GART: variants seen among roughly 807,000 people sequenced by gnomAD.
GART encodes trifunctional purine biosynthetic protein adenosine-3.
A neutral mutation model predicts 107.2 loss-of-function variants in GART; 43 were observed. The ratio of observed to expected loss-of-function variants is 0.40; its 90% CI spans 0.31 to 0.52. The LOEUF is 0.52. GART is among the 20% of genes least tolerant of loss of function. GART has a pLI of 0.52. For missense variants in GART, 1,107 were observed against 1,206.5 expected, an observed-to-expected ratio of 0.92 and a Z score of 1.22; for synonymous variants, 434 against 427.0, an observed-to-expected ratio of 1.02 and a Z score of -0.20.
intron 4 of GART, among the ~76,000 whole-genome samples, chr21:33,533,602 C>T (rs78833496): frequency 1.3e-5 from 2 of 151,566 alleles, no homozygotes; most frequent in African/African-American, 2.4e-5. Context: ...GATGCCACTG[C>T]GTTTGTCAAT....
rs146415690 is a variant in GART at position 33,537,496 on chromosome 21, G to C, written c.145+1675C>G. ...CTACTAGAGATTATATTCTAGTGGAGGAAAAGAACATAGAAGACAGACAAT... is the reference window on the plus strand; with the variant it reads ...CTACTAGAGATTATATTCTAGTGGACGAAAAGAACATAGAAGACAGACAAT... On this transcript the variant is annotated intron_variant, in intron 2 of 21. Transcript: ENST00000381815. Among the ~76,000 whole-genome samples the C allele has an allele frequency of 5.6e-3, 850 of 152,142 alleles. 8 individuals carry two copies. Among genetic ancestry groups the C allele is most frequent in the African/African-American group, 0.019 (790 of 41,510 alleles).
At chr21:33,521,942 CTCT>C (rs572841444) in intron 12 of GART, among the ~76,000 whole-genome samples, 544 of 43,204 alleles carry the variant, frequency 0.013, 7 homozygotes, top group African/African-American at 0.069. Flanking sequence ...CTGGGCAAGA[CTCT>C]TGTCTCAAAA....
Position 33,539,320 on chromosome 21 carries a change from C to G in GART, c.-5G>C. 3 of 1,607,532 alleles carry G rather than the reference C, an allele frequency of 1.9e-6. No individual in the cohort carries two copies. The highest frequency in any genetic ancestry group is 2.5e-6 in the Non-Finnish European group (3 of 1,178,192). ...TATAAGTACTCGGGCTGCCATTGTTCTGTCTGTAAAGCAGAAATTCCAAAG... is the reference window on the plus strand; with the variant it reads ...TATAAGTACTCGGGCTGCCATTGTTGTGTCTGTAAAGCAGAAATTCCAAAG... On this transcript the variant is annotated 5_prime_UTR_variant, in exon 2 of 22. Transcript: ENST00000381815.
chr21:33,508,432 T>C (rs2084722543), intron 18 of GART, among the ~76,000 whole-genome samples: 2 of 151,802 alleles, frequency 1.3e-5, no homozygotes, highest in African/African-American at 4.8e-5. Flanking sequence ...ATTACCTACA[T>C]AGTGAACATT....
chr21:33,505,421 G>T, intron 20 of GART, 140 bp downstream of exon 20: 1 of 623,050 alleles, frequency 1.6e-6, no homozygotes, highest in Non-Finnish European at 2.7e-6. Context: ...CTGTGTTAAA[G>T]TATTAATAAA....
chr21:33,504,620 C>T, intron 20 of GART, 93 bp from the exon 21 acceptor site: 1 of 865,296 alleles, frequency 1.2e-6, no homozygotes, highest in East Asian at 2.5e-5. Context: ...CGAAGTCAAA[C>T]AGGAGTTGGA....
chr21:33,536,559 G>GT (rs1486737540), intron 2 of GART, among the ~76,000 whole-genome samples: 1 of 152,200 alleles, frequency 6.6e-6, no homozygotes, highest in Non-Finnish European at 1.5e-5. Context: ...TATATAGTAT[G>GT]TTTTTTCCTA....
In GART at chr21:33,530,804, A is replaced by C. The variant is rs758095590; in HGVS notation, c.678T>G (p.Gly226=). The change falls in exon 7 of 22, where the codon GGT becomes GGG. Residue 226 remains glycine (G), a synonymous_variant. Transcript: ENST00000381815. ...QDHKRLLEGD[G]GPNTGGMGAY... ...CTCCCATTCCCCCTGTGTTAGGGCC[A>C]CCATCTCCCTCCAGTAATCGCTTAT... The C allele has an allele frequency of 1.3e-6, 2 of 1,532,700 alleles. No individual in the cohort carries two copies. Among genetic ancestry groups the C allele is most frequent in the African/African-American group, 1.4e-5 (1 of 69,648 alleles). 94.9% of individuals were successfully genotyped at this position (1,532,700 alleles called of 1,614,324 possible).
intron 7 of GART, among the ~76,000 whole-genome samples, chr21:33,530,452 C>T (rs1238163421): frequency 6.6e-6 from 1 of 152,114 alleles, no homozygotes; most frequent in Non-Finnish European, 1.5e-5. Context: ...CCACGGATAT[C>T]CAAAGATGAA....
intron 12 of GART, among the ~76,000 whole-genome samples, chr21:33,521,667 A>ACTAAAGGAC (rs2084976500): frequency 6.7e-6 from 1 of 149,364 alleles, no homozygotes; most frequent in African/African-American, 2.5e-5. Flanking sequence ...GTAATTAAAT[A>ACTAAAGGAC]CTAAAGGACC....
In GART at chr21:33,530,998, T is replaced by A. The variant is rs539444493; in HGVS notation, c.598-114A>T. On this transcript the variant is annotated intron_variant, in intron 6 of 21. Coordinates refer to ENST00000381815, the MANE Select transcript of GART (RefSeq NM_000819.5). The stretch of plus-strand genomic sequence containing the variant: ...CTTCTTTGAGGAAAAGTTTGTTTTT[T>A]TTTTTGCAGAGAAATGAACCGAAAC... 7 of 1,011,474 alleles carry A rather than the reference T, an allele frequency of 6.9e-6. No individual in the cohort carries two copies. In the South Asian group the frequency reaches 2.1e-4, roughly 30 times the overall value. 62.7% of individuals were successfully genotyped at this position (1,011,474 alleles called of 1,614,324 possible).
intron 10 of GART, among the ~76,000 whole-genome samples, chr21:33,527,266 C>T (rs114411259): frequency 0.022 from 3,276 of 152,186 alleles, 115 homozygotes; most frequent in African/African-American, 0.075. Flanking sequence ...GACCTGTAAT[C>T]CCAATACTTG....
intron 17 of GART, among the ~76,000 whole-genome samples, chr21:33,511,010 A>T (rs540267943): frequency 7.8e-4 from 118 of 152,146 alleles, no homozygotes; most frequent in Admixed American, 1.6e-3. Flanking sequence ...TAGGGAGATT[A>T]CTTTGGGAAG....
intron 12 of GART, 142 bp from the exon 13 acceptor site, chr21:33,521,157 T>A (rs1303924069): frequency 3.1e-6 from 2 of 635,846 alleles, no homozygotes; most frequent in Non-Finnish European, 5.5e-6. Context: ...TTGGAACAGC[T>A]GTTCTCAGAG....
Position 33,517,126 on chromosome 21 carries a change from G to GT in GART, c.1969dup (p.Thr657AsnfsTer40), listed in dbSNP as rs867739285. On this transcript the variant is annotated frameshift_variant, in exon 16 of 22. Coordinates refer to ENST00000381815, the MANE Select transcript of GART (RefSeq NM_000819.5). LOFTEE classifies it high-confidence loss of function. ...TGAATGGCTGTAGATTCTGGTAGGC[G>GT]TGAGAAGTAAGTCCCCTGCATGTTG... 1.2e-6 allele frequency: 2 copies of GT among 1,609,190 alleles called. No homozygotes were observed. The highest frequency in any genetic ancestry group is 1.3e-5 in the African/African-American group (1 of 74,754).
chr21:33,534,472 C>T (rs1195931767), intron 4 of GART, 107 bp downstream of exon 4: 2 of 1,207,470 alleles, frequency 1.7e-6, no homozygotes, highest in South Asian at 1.4e-5. Flanking sequence ...CTGCCTTGGC[C>T]TCCCAAAGTG....
At position 33,506,088 on chromosome 21, in the gene GART, T is replaced by G. The variant is rs1459010158; in HGVS notation, c.2469A>C (p.Ala823=). 6.2e-7 allele frequency: 1 copy of G among 1,612,614 alleles called. No homozygotes were observed. The highest frequency in any genetic ancestry group is 1.7e-5 in the Admixed American group (1 of 59,864). Residue 823 remains alanine, a synonymous_variant, in exon 19 of 22, where the codon GCA becomes GCC. Transcript: ENST00000381815. ...LISGTGSNLQ[A]LIDSTREPNS... ...TTGGTTCCCGAGTACTGTCTATAAG[T>G]GCTTGCAGGTTCGATCCTGAGAAGG...
chr21:33,532,565 A>C, intron 4 of GART, 109 bp from the exon 5 acceptor site: 1 of 804,480 alleles, frequency 1.2e-6, no homozygotes, highest in Non-Finnish European at 2.0e-6. Context: ...GAAAAGCAGA[A>C]AGAAAAAAAT....
In GART at chr21:33,539,234, T is replaced by C; in HGVS notation, c.82A>G (p.Lys28Glu). Residue 28 changes from lysine (K) to glutamate (E), a missense_variant, in exon 2 of 22, where the codon AAA becomes GAA. Transcript: ENST00000381815. ...TTTCCTGGGGCAACCAACACTTGTT[T>C]GACATGATGAGACTGTGCAAGTTTC... Reference protein sequence around the residue: ...AWKLAQSHHVKQVLVAPGNAG... With the variant: ...AWKLAQSHHVEQVLVAPGNAG... The C allele has an allele frequency of 6.2e-7, 1 of 1,614,234 alleles. No individual in the cohort carries two copies.
Sources: gnomAD v4.1 joint callset for allele counts (sites outside exome capture counted in the v4.1 genomes callset) on GRCh38, gnomAD v4.1.1 for gene constraint, MANE v1.5 for transcripts, NCBI Gene and HGNC (gene_info 2026-07-23, HGNC 2026-07-21) for gene names.